MCM3AP: variants seen among roughly 807,000 people sequenced by gnomAD.
MCM3AP encodes the protein germinal-center associated nuclear protein.
A neutral mutation model predicts 184.1 loss-of-function variants in MCM3AP; 126 were observed. The observed-to-expected ratio is 0.68, with a 90% CI of 0.59 to 0.79. The LOEUF (loss-of-function observed/expected upper bound fraction) is 0.79, where lower values mean the gene tolerates loss of function less well. Among genes scored for constraint, MCM3AP ranks in the 30% least tolerant of loss-of-function variants. The pLI is 0.00. For synonymous variants in MCM3AP, 1,002 were observed against 979.3 expected (o/e 1.02, Z -0.43); for missense variants, 2,496 against 2,479.2 (o/e 1.01, Z -0.14).
At chr21:46,262,900 G>A (rs1386487227) in intron 13 of MCM3AP, among the ~76,000 whole-genome samples, 3 of 148,100 alleles carry the variant, frequency 2.0e-5, no homozygotes, top group South Asian at 2.2e-4. Flanking sequence ...CCCGGGGGGC[G>A]GAGCCTGCAG....
intron 9 of MCM3AP, chr21:46,267,405 A>G (rs1041190714): frequency 2.3e-6 from 1 of 441,624 alleles, no homozygotes; most frequent in Non-Finnish European, 4.1e-6. Flanking sequence ...AAGAGAAATC[A>G]TGAAACAAAC....
intron 20 of MCM3AP, chr21:46,249,681 A>G (rs1177578285): frequency 9.4e-6 from 4 of 424,570 alleles, no homozygotes; most frequent in South Asian, 5.1e-5. Context: ...GGGCTGAACC[A>G]AGAAAAAATA....
chr21:46,278,952 C>T (rs1021622033), intron 4 of MCM3AP, among the ~76,000 whole-genome samples: 55 of 526 alleles, frequency 0.1, no homozygotes, highest in Non-Finnish European at 0.14. Flanking sequence ...GGATTACAGG[C>T]GTGAGCACTG....
intron 17 of MCM3AP, among the ~76,000 whole-genome samples, chr21:46,255,086 C>T (rs975183711): frequency 3.3e-5 from 5 of 152,156 alleles, no homozygotes; most frequent in African/African-American, 9.7e-5. Flanking sequence ...GGGGAGAGAA[C>T]AGCATCTCTA....
intron 19 of MCM3AP, 98 bp from the exon 20 acceptor site, chr21:46,251,780 T>C: frequency 1.4e-6 from 1 of 691,574 alleles, no homozygotes; most frequent in Non-Finnish European, 2.4e-6. Context: ...GAAAGAAAAA[T>C]ATCACACAGA....
chr21:46,281,747 T>C (rs1222985137), intron 2 of MCM3AP, among the ~76,000 whole-genome samples: 1 of 151,912 alleles, frequency 6.6e-6, no homozygotes, highest in Non-Finnish European at 1.5e-5. Flanking sequence ...ACGCCTGTAA[T>C]CCCAGCACTT....
Position 46,263,284 on chromosome 21 carries a change from T to C in MCM3AP, c.3335+833A>G, listed in dbSNP as rs542519451. Among the ~76,000 whole-genome samples, 1,277 of 149,510 alleles carry C rather than the reference T, an allele frequency of 8.5e-3. 15 individuals are homozygous for C. The highest frequency in any genetic ancestry group is 0.03 in the African/African-American group (1,221 of 40,580). On this transcript the variant is annotated intron_variant, in intron 13 of 27. Transcript: ENST00000291688. ...GGTGGGGGTTGCAGTGAGCCAAGAT[T>C]GTGCCACTGCACTCCAGCCTGGGCG...
rs767714352 is a variant in MCM3AP, at chr21:46,259,096, A to T, written c.3582-5T>A. 3.1e-6 allele frequency: 5 copies of T among 1,604,070 alleles called. No homozygotes were observed. The Admixed American group carries it at 6.9e-5, about 22-fold the overall frequency. On this transcript the variant is annotated splice_region_variant and splice_polypyrimidine_tract_variant and intron_variant, in intron 15 of 27. Coordinates refer to ENST00000291688, the MANE Select transcript of MCM3AP (RefSeq NM_003906.5). ...TGGTCTGTCTCTACTGCATTCCTAGAAACAGGGCAATCAGCATGGAAGACA... is the reference window on the plus strand; with the variant it reads ...TGGTCTGTCTCTACTGCATTCCTAGTAACAGGGCAATCAGCATGGAAGACA...
At chr21:46,257,629 A>G (rs943575860) in intron 16 of MCM3AP, among the ~76,000 whole-genome samples, 4 of 151,862 alleles carry the variant, frequency 2.6e-5, no homozygotes, top group Admixed American at 6.6e-5. Context: ...CCAGAGCTAA[A>G]AAGAGCTACG....
chr21:46,279,018 A>C (rs1429989371), intron 4 of MCM3AP, among the ~76,000 whole-genome samples: 3 of 151,344 alleles, frequency 2.0e-5, no homozygotes, highest in Non-Finnish European at 4.4e-5. Flanking sequence ...GTAATGCTGG[A>C]AACTGCTGAA....
chr21:46,266,754 A>C (rs2081117492), intron 10 of MCM3AP: 2 of 535,054 alleles, frequency 3.7e-6, no homozygotes, highest in African/African-American at 1.9e-5. Flanking sequence ...CATGAAAAGG[A>C]CTGATTTTGG....
Position 46,260,912 on chromosome 21 carries a change from G to T in MCM3AP, c.3468-6C>A. 6.3e-7 allele frequency: 1 copy of T among 1,592,960 alleles called. No individual in the cohort carries two copies. The highest frequency in any genetic ancestry group is 8.6e-7 in the Non-Finnish European group (1 of 1,161,124). ...GCTCTCTCTCTTGTTTCAACCTACA[G>T]GGAAGAGAAAAAATACACAAGGGTA... On this transcript the variant is annotated splice_region_variant and splice_polypyrimidine_tract_variant and intron_variant, in intron 14 of 27. Coordinates refer to ENST00000291688, the MANE Select transcript of MCM3AP (RefSeq NM_003906.5).
Position 46,272,674 on chromosome 21 carries a change from C to CT in MCM3AP, c.2351dup (p.Ser785GlufsTer48). 6.2e-7 allele frequency: 1 copy of CT among 1,614,212 alleles called. No homozygotes were observed. The highest frequency in any genetic ancestry group is 8.5e-7 in the Non-Finnish European group (1 of 1,180,038). On this transcript the variant is annotated frameshift_variant, in exon 8 of 28. Transcript: ENST00000291688. LOFTEE classifies it high-confidence loss of function. ...GGTCCTGGTACATCTCCTTCAGGCT[C>CT]TGCAGGCACTTGGTCATGTTCTCAT...
chr21:46,257,782 G>A (rs1441375559), intron 16 of MCM3AP, among the ~76,000 whole-genome samples: 2 of 151,942 alleles, frequency 1.3e-5, no homozygotes, highest in South Asian at 2.1e-4. Flanking sequence ...AAAATTAGCC[G>A]AGCATGGTGG....
chr21:46,272,660 A>G lies in MCM3AP; in HGVS notation c.2366T>C (p.Met789Thr). ...ACCCTTGTTTCTCAGGTCCTGGTAC[A>G]TCTCCTTCAGGCTCTGCAGGCACTT... ...MTKCLQSLKEMYQDLRNKGVF... is the reference protein window; with the variant it reads ...MTKCLQSLKETYQDLRNKGVF... Residue 789 changes from methionine to threonine, a missense_variant, in exon 8 of 28, where the codon ATG (methionine) becomes ACG (threonine). Physicochemically the swap from Met to Thr is moderately conservative, Grantham distance 81 (BLOSUM62 -1). Around this residue, in one of 5 missense-constraint regions of MCM3AP, gnomAD observed 105 missense variants for 97.1 expected, o/e 1.08. Coordinates refer to ENST00000291688, the MANE Select transcript of MCM3AP (RefSeq NM_003906.5). The G allele has an allele frequency of 6.2e-7, 1 of 1,614,214 alleles. No homozygotes were observed.
intron 2 of MCM3AP, among the ~76,000 whole-genome samples, chr21:46,283,267 T>C (rs1201113266): frequency 6.6e-6 from 1 of 152,184 alleles, no homozygotes; most frequent in Admixed American, 6.5e-5. Context: ...ACAGCGATCA[T>C]CTTCTATGAC....
At chr21:46,244,665 G>A (rs1354233070) in intron 23 of MCM3AP, 142 bp downstream of exon 23, 19 of 902,304 alleles carry the variant, frequency 2.1e-5, no homozygotes, top group African/African-American at 6.7e-5. Context: ...AGGTGCAGGC[G>A]AGCACAGCAT....
In MCM3AP at chr21:46,259,085, T is replaced by C; in HGVS notation, c.3588A>G (p.Ala1196=). ...RETCSQELKN[A]VETDQRVRVA... is the part of the protein sequence containing the mutation. ...CACGGACCCTCTGGTCTGTCTCTAC[T>C]GCATTCCTAGAAACAGGGCAATCAG... The change falls in exon 16 of 28, where the codon GCA becomes GCG. Residue 1196 remains alanine, a synonymous_variant. Transcript: ENST00000291688. The C allele has an allele frequency of 1.9e-6, 3 of 1,608,534 alleles. No homozygotes were observed. Among genetic ancestry groups the C allele is most frequent in the Non-Finnish European group, 2.5e-6 (3 of 1,177,576 alleles).
In MCM3AP at chr21:46,255,022, G is replaced by A. The variant is rs17176695; in HGVS notation, c.3933-178C>T. Among the ~76,000 whole-genome samples, 10 of 152,298 alleles carry A rather than the reference G, an allele frequency of 6.6e-5. No homozygotes were observed. In the East Asian group the frequency reaches 1.9e-3, roughly 29 times the overall value. On this transcript the variant is annotated intron_variant, in intron 17 of 27. Coordinates refer to ENST00000291688, the MANE Select transcript of MCM3AP (RefSeq NM_003906.5). Reference sequence around the variant, plus strand: ...AGTATCCACTGTGTGCTGGCTATGGGAGATTCAGCAATAAACAGACAAAAT... The same window carrying A: ...AGTATCCACTGTGTGCTGGCTATGGAAGATTCAGCAATAAACAGACAAAAT...
Sources: gnomAD v4.1 joint callset for allele counts (sites outside exome capture counted in the v4.1 genomes callset) on GRCh38, gnomAD v4.1.1 for gene constraint, gnomAD v4.1.1 regional missense constraint, MANE v1.5 for transcripts, NCBI Gene and HGNC (gene_info 2026-07-23, HGNC 2026-07-21) for gene names.